The following FMN1 variants were observed in gnomAD, a reference collection of about 807,000 sequenced individuals.
The protein encoded by FMN1 is formin 1.
Under a neutral mutation model 132.4 loss-of-function variants are expected in FMN1, and 110 were observed. The observed-to-expected ratio is 0.83, with a 90% CI of 0.71 to 0.97. FMN1 has a LOEUF of 0.97. Among genes scored for constraint, FMN1 ranks in the 50% least tolerant of loss-of-function variants. FMN1 has a pLI of 0.00. For synonymous variants in FMN1, 722 were observed against 651.7 expected, an observed-to-expected ratio of 1.11 and a Z score of -1.64; for missense variants, 1,792 against 1,705.3, an observed-to-expected ratio of 1.05 and a Z score of -0.90.
chr15:33,166,100 C>T (rs970647008), intron 3 of FMN1, among the ~76,000 whole-genome samples: 1 of 152,160 alleles, frequency 6.6e-6, no homozygotes, highest in African/African-American at 2.4e-5. Flanking sequence ...TTGGTTTGAA[C>T]TTCCATTTGA....
chr15:33,035,182 G>A (rs1462748505), intron 6 of FMN1, among the ~76,000 whole-genome samples: 2 of 152,122 alleles, frequency 1.3e-5, no homozygotes, highest in East Asian at 3.9e-4. Flanking sequence ...AGTGGCAGGT[G>A]TAAAACCTAA....
Position 32,833,323 on chromosome 15 carries a change from G to A in FMN1, c.3928+23692C>T, listed in dbSNP as rs192842389. On this transcript the variant is annotated intron_variant, in intron 17 of 20. Transcript: ENST00000616417. ...ATAGGGAGGAAAGGGCTTGGGTTAAGGGAATGTCTTATGAAGCAGCAGCTG... is the reference window on the plus strand; with the variant it reads ...ATAGGGAGGAAAGGGCTTGGGTTAAAGGAATGTCTTATGAAGCAGCAGCTG... Among the ~76,000 whole-genome samples the A allele has an allele frequency of 5.9e-5, 9 of 152,284 alleles. No homozygotes were observed. In the East Asian group the frequency reaches 1.4e-3, roughly 23 times the overall value.
chr15:32,765,548 C>T lies in FMN1; in HGVS notation c.*8762G>A, dbSNP rs774753685. On this transcript the variant is annotated 3_prime_UTR_variant, in exon 21 of 21. Coordinates refer to ENST00000616417, the MANE Select transcript of FMN1 (RefSeq NM_001277313.2). ...AAATCTGCATTGCACACCAGATGGA[C>T]ATGAAACCAAGATTTATTAAAATAC... The T allele has an allele frequency of 2.6e-5, 4 of 152,170 alleles. No individual in the cohort carries two copies. Among genetic ancestry groups the T allele is most frequent in the Non-Finnish European group, 5.9e-5 (4 of 68,042 alleles). The allele number at this position is 152,170 out of a possible 1,614,324, so 9.4% of individuals were successfully genotyped here. A position where few individuals can be genotyped will look rare whatever the true frequency, so the allele number is the denominator to read the frequency against.
intron 3 of FMN1, among the ~76,000 whole-genome samples, chr15:33,169,906 C>T (rs7181420): frequency 0.82 from 124,652 of 151,980 alleles, 51,646 homozygotes; most frequent in Middle Eastern, 0.92. Flanking sequence ...ACTTGCATAA[C>T]AAATCACTTT....
chr15:33,101,901 T>C (rs1456494221), intron 4 of FMN1, among the ~76,000 whole-genome samples: 2 of 152,160 alleles, frequency 1.3e-5, no homozygotes, highest in African/African-American at 4.8e-5. Flanking sequence ...CCAGCTGTAC[T>C]GGGCTGCTTT....
chr15:32,829,963 T>C (rs181461267), intron 17 of FMN1, among the ~76,000 whole-genome samples: 68 of 152,262 alleles, frequency 4.5e-4, no homozygotes, highest in African/African-American at 1.6e-3. Context: ...TGTCCTTATG[T>C]AGAGACCTTA....
At chr15:33,109,896 A>C (rs575518323) in intron 4 of FMN1, among the ~76,000 whole-genome samples, 1 of 152,130 alleles carries the variant, frequency 6.6e-6, no homozygotes, top group East Asian at 1.9e-4. Flanking sequence ...GAAGTCTAAA[A>C]CCTTAAAAAC....
Position 32,928,460 on chromosome 15 carries a change from C to T in FMN1, c.3139-2199G>A, listed in dbSNP as rs564140703. The stretch of plus-strand genomic sequence containing the variant: ...AAAAATTAAGAAAAGTCAATTTAGC[C>T]ATGCACCCATTCAAAAAATATTTAC... On this transcript the variant is annotated intron_variant, in intron 9 of 20. Coordinates refer to ENST00000616417, the MANE Select transcript of FMN1 (RefSeq NM_001277313.2). Among the ~76,000 whole-genome samples the T allele has an allele frequency of 5.1e-4, 78 of 152,232 alleles. 1 individual carries two copies. In the South Asian group the frequency reaches 5.2e-3, roughly 10 times the overall value.
At chr15:32,997,320 T>G (rs2033830630) in intron 7 of FMN1, among the ~76,000 whole-genome samples, 1 of 143,950 alleles carries the variant, frequency 6.9e-6, no homozygotes, top group Non-Finnish European at 1.5e-5. Context: ...AATATCACCG[T>G]CTTTTTTTTT....
At chr15:33,157,251 G>A (rs1964708499) in intron 3 of FMN1, among the ~76,000 whole-genome samples, 1 of 133,856 alleles carries the variant, frequency 7.5e-6, no homozygotes, top group East Asian at 2.1e-4. Flanking sequence ...GTGACAGAGT[G>A]AGACTCCATC....
intron 4 of FMN1, among the ~76,000 whole-genome samples, chr15:33,100,319 C>G (rs183076132): frequency 2.4e-4 from 36 of 150,642 alleles, no homozygotes; most frequent in Middle Eastern, 3.5e-3. Flanking sequence ...GTCCTCATAT[C>G]AATATTAAGA....
At chr15:32,801,961 C>T (rs2057495956) in intron 18 of FMN1, among the ~76,000 whole-genome samples, 1 of 152,230 alleles carries the variant, frequency 6.6e-6, no homozygotes, top group African/African-American at 2.4e-5. Flanking sequence ...TTTTGATTCA[C>T]AGAGATTGAC....
intron 18 of FMN1, among the ~76,000 whole-genome samples, chr15:32,799,316 CACTG>C (rs1254635453): frequency 6.6e-6 from 1 of 152,296 alleles, no homozygotes; most frequent in East Asian, 1.9e-4. Context: ...GTGGATGACA[CACTG>C]ACTGCAGCAT....
rs1419629944 is a variant in FMN1, at chr15:32,968,985, G to A, written c.2716C>T (p.Pro906Ser). Residue 906 changes from proline to serine, a missense_variant, in exon 8 of 21, where the codon CCG becomes TCG. Coordinates refer to ENST00000616417, the MANE Select transcript of FMN1 (RefSeq NM_001277313.2). Reference protein sequence around the residue: ...PVSAGPPLPPPPPPPPPLPPP... With the variant: ...PVSAGPPLPPSPPPPPPLPPP... The stretch of plus-strand genomic sequence containing the variant: ...GGTAGAGGTGGCGGTGGAGGAGGCG[G>A]AGGTGGTAGCGGTGGCCCAGCACTC... The A allele has an allele frequency of 2.9e-6, 3 of 1,047,040 alleles. No homozygotes were observed. The highest frequency in any genetic ancestry group is 2.8e-6 in the Non-Finnish European group (2 of 711,740). 64.9% of individuals were successfully genotyped at this position (1,047,040 alleles called of 1,614,324 possible). A position where few individuals can be genotyped will look rare whatever the true frequency, so the allele number is the denominator to read the frequency against.
intron 17 of FMN1, among the ~76,000 whole-genome samples, chr15:32,819,267 TTC>T (rs1233544892): frequency 2.6e-5 from 4 of 152,206 alleles, no homozygotes; most frequent in Non-Finnish European, 4.4e-5. Flanking sequence ...CTCTCTTATT[TTC>T]TCTCTCCTTT....
chr15:33,088,970 G>A lies in FMN1; in HGVS notation c.1872C>T (p.Ile624=), dbSNP rs1201321188. The A allele has an allele frequency of 2.6e-6, 4 of 1,532,614 alleles. No individual in the cohort carries two copies. The highest frequency in any genetic ancestry group is 3.5e-6 in the Non-Finnish European group (4 of 1,145,846). The allele number at this position is 1,532,614 out of a possible 1,614,324, so 94.9% of individuals were successfully genotyped here. A position where few individuals can be genotyped will look rare whatever the true frequency, so the allele number is the denominator to read the frequency against. The change falls in exon 5 of 21, where the codon ATC becomes ATT. Residue 624 remains isoleucine, a synonymous_variant. Transcript: ENST00000616417. ...CGTCCCAGGGAAAGCCCTCAGAGGAGATACCTAAACAAACACAGAGAAGGC... is the reference window on the plus strand; with the variant it reads ...CGTCCCAGGGAAAGCCCTCAGAGGAAATACCTAAACAAACACAGAGAAGGC... ...AEPQHQSPPG[I]SSEGFPWDGF...
chr15:32,955,838 C>T (rs1352043487), intron 9 of FMN1, among the ~76,000 whole-genome samples: 2 of 151,800 alleles, frequency 1.3e-5, no homozygotes, highest in Admixed American at 6.6e-5. Flanking sequence ...CGTGCGCGCA[C>T]GTGTCTGTGT....
In FMN1 at chr15:32,767,926, C is replaced by T. The variant is rs2056101800; in HGVS notation, c.*6384G>A. ...ACACAATCTCAGTGGCGCTGAGCTA[C>T]CTTCTTTATGCCTTGTGGTCCAATG... On this transcript the variant is annotated 3_prime_UTR_variant, in exon 21 of 21. Transcript: ENST00000616417. The T allele has an allele frequency of 2.0e-5, 3 of 152,244 alleles. No homozygotes were observed. The South Asian group carries it at 6.2e-4, about 32-fold the overall frequency. The allele number at this position is 152,244 out of a possible 1,614,324, so 9.4% of individuals were successfully genotyped here. A position where few individuals can be genotyped will look rare whatever the true frequency, so the allele number is the denominator to read the frequency against.
chr15:32,853,007 T>C (rs1044301512), intron 17 of FMN1, among the ~76,000 whole-genome samples: 8 of 152,170 alleles, frequency 5.3e-5, no homozygotes, highest in Non-Finnish European at 1.0e-4. Context: ...TTCCTCTGCC[T>C]GGAATGCCCT....
Sources: gnomAD v4.1 joint callset for allele counts (sites outside exome capture counted in the v4.1 genomes callset) on GRCh38, gnomAD v4.1.1 for gene constraint, MANE v1.5 for transcripts, NCBI Gene and HGNC (gene_info 2026-07-23, HGNC 2026-07-21) for gene names.